Variants in PPP1R14C observed in about 807,000 individuals in gnomAD.
PPP1R14C encodes the protein protein phosphatase 1 regulatory subunit 14C.
A neutral mutation model predicts 20.4 loss-of-function variants in PPP1R14C; 16 were observed. The ratio of observed to expected loss-of-function variants is 0.78; its 90% CI spans 0.53 to 1.19. The LOEUF (loss-of-function observed/expected upper bound fraction) is 1.19. PPP1R14C is among the 50% of genes most tolerant of loss of function. The pLI, the probability that PPP1R14C is intolerant of heterozygous loss-of-function variation, is 0.00. For synonymous variants in PPP1R14C, 91 were observed against 91.0 expected (o/e 1.00, Z 0.00); for missense variants, 211 against 220.1 (o/e 0.96, Z 0.26).
intron 1 of PPP1R14C, among the ~76,000 whole-genome samples, chr6:150,210,646 T>C (rs1345175179): frequency 3.9e-5 from 6 of 152,260 alleles, no homozygotes; most frequent in African/African-American, 2.4e-5. Flanking sequence ...TCCTACACAA[T>C]ATTTTAAGAA....
chr6:150,244,644 G>A (rs9480050), intron 3 of PPP1R14C, among the ~76,000 whole-genome samples: 1,674 of 152,194 alleles, frequency 0.011, 29 homozygotes, highest in African/African-American at 0.039. Flanking sequence ...TGGCTAGCGT[G>A]ACTAACAAAT....
intron 3 of PPP1R14C, among the ~76,000 whole-genome samples, chr6:150,225,965 T>C (rs1481747049): frequency 6.6e-6 from 1 of 152,248 alleles, no homozygotes; most frequent in Non-Finnish European, 1.5e-5. Context: ...ATCTTCTAAT[T>C]TCCCAGAAGT....
chr6:150,162,481 C>T (rs1777380798), intron 1 of PPP1R14C, among the ~76,000 whole-genome samples: 1 of 152,186 alleles, frequency 6.6e-6, no homozygotes, highest in Admixed American at 6.5e-5. Flanking sequence ...TTTCACTACA[C>T]AATATACATT....
At chr6:150,168,756 T>C (rs1777465804) in intron 1 of PPP1R14C, among the ~76,000 whole-genome samples, 1 of 152,212 alleles carries the variant, frequency 6.6e-6, no homozygotes. Flanking sequence ...AGTCATGTTT[T>C]GAGTATTTAC....
chr6:150,187,245 CTCTG>C (rs1349317661), intron 1 of PPP1R14C, among the ~76,000 whole-genome samples: 13 of 110,974 alleles, frequency 1.2e-4, no homozygotes, highest in African/African-American at 3.8e-4. Context: ...CTTTCTCTTT[CTCTG>C]TGTGTGTGTG....
At chr6:150,156,399 C>G (rs1041713865) in intron 1 of PPP1R14C, among the ~76,000 whole-genome samples, 4 of 152,194 alleles carry the variant, frequency 2.6e-5, no homozygotes, top group African/African-American at 4.8e-5. Flanking sequence ...GATGTTTTCA[C>G]TCAAGTCCTT....
chr6:150,175,527 A>G (rs1276581311), intron 1 of PPP1R14C, among the ~76,000 whole-genome samples: 1 of 152,202 alleles, frequency 6.6e-6, no homozygotes, highest in Non-Finnish European at 1.5e-5. Context: ...CTAGTTAGTA[A>G]TTTCCTTTGT....
At chr6:150,196,084 C>A in intron 1 of PPP1R14C, 1 of 985,416 alleles carries the variant, frequency 1.0e-6, no homozygotes, top group Non-Finnish European at 1.2e-6. Context: ...AGACCTCTCA[C>A]CCCTTTCTAT....
At chr6:150,217,195 A>ATTTT (rs397886649) in intron 3 of PPP1R14C, among the ~76,000 whole-genome samples, 4 of 135,652 alleles carry the variant, frequency 2.9e-5, no homozygotes, top group Non-Finnish European at 4.8e-5. Context: ...ATTGGTATGT[A>ATTTT]TTTTTTTTTT....
chr6:150,211,974 G>A (rs181085977), intron 1 of PPP1R14C, among the ~76,000 whole-genome samples: 2 of 152,304 alleles, frequency 1.3e-5, no homozygotes, highest in Non-Finnish European at 2.9e-5. Context: ...GGCTTTGTTT[G>A]CATCAGCTTT....
At chr6:150,220,604 C>T (rs1778155228) in intron 3 of PPP1R14C, among the ~76,000 whole-genome samples, 1 of 152,212 alleles carries the variant, frequency 6.6e-6, no homozygotes, top group Admixed American at 6.5e-5. Context: ...GACACGCATT[C>T]ACTAATTTCA....
chr6:150,154,374 C>T lies in PPP1R14C; in HGVS notation c.306+10876C>T, dbSNP rs567931277. Among the ~76,000 whole-genome samples, 6 of 152,278 alleles carry T rather than the reference C, an allele frequency of 3.9e-5. No individual in the cohort carries two copies. The East Asian group carries it at 1.2e-3, about 29-fold the overall frequency. ...CCAGTGTGAGGTAGTGGGAATGGCCCTTGCCTGTGAGCTCCGTCCTAGTCG... is the reference window on the plus strand; with the variant it reads ...CCAGTGTGAGGTAGTGGGAATGGCCTTTGCCTGTGAGCTCCGTCCTAGTCG... On this transcript the variant is annotated intron_variant, in intron 1 of 3. Coordinates refer to ENST00000361131, the MANE Select transcript of PPP1R14C (RefSeq NM_030949.3).
chr6:150,217,318 C>T (rs1396692033), intron 3 of PPP1R14C, among the ~76,000 whole-genome samples: 2 of 151,848 alleles, frequency 1.3e-5, no homozygotes, highest in Non-Finnish European at 2.9e-5. Context: ...GCCTCAGCCT[C>T]CTGAGTAGCT....
At chr6:150,208,191 G>C (rs1198196491) in intron 1 of PPP1R14C, among the ~76,000 whole-genome samples, 2 of 152,102 alleles carry the variant, frequency 1.3e-5, no homozygotes, top group Non-Finnish European at 2.9e-5. Flanking sequence ...TTTCGGAGGG[G>C]TCAAACCACA....
intron 1 of PPP1R14C, among the ~76,000 whole-genome samples, chr6:150,204,498 A>G (rs1361279470): frequency 3.3e-5 from 5 of 152,178 alleles, no homozygotes; most frequent in African/African-American, 9.7e-5. Flanking sequence ...AGACATTTAC[A>G]TGGAATATTT....
intron 1 of PPP1R14C, among the ~76,000 whole-genome samples, chr6:150,206,806 A>G (rs1489342586): frequency 6.6e-6 from 1 of 151,800 alleles, no homozygotes; most frequent in Non-Finnish European, 1.5e-5. Flanking sequence ...TCACTTCACC[A>G]TGGAGTCAAT....
chr6:150,218,584 C>T (rs1431539149), intron 3 of PPP1R14C, among the ~76,000 whole-genome samples: 1 of 147,380 alleles, frequency 6.8e-6, no homozygotes, highest in African/African-American at 2.5e-5. Context: ...TATTGTATTT[C>T]TATATTTTCA....
intron 3 of PPP1R14C, among the ~76,000 whole-genome samples, chr6:150,233,636 C>T (rs1778318971): frequency 6.6e-6 from 1 of 152,166 alleles, no homozygotes; most frequent in African/African-American, 2.4e-5. Flanking sequence ...AGGAGCGCCC[C>T]CCTCCCATCA....
chr6:150,200,911 T>C (rs71570208), intron 1 of PPP1R14C, among the ~76,000 whole-genome samples: 4,032 of 152,228 alleles, frequency 0.026, 79 homozygotes, highest in Middle Eastern at 0.065. Flanking sequence ...CTTGAATGTG[T>C]TGGGTGCCTG....
Sources: allele counts gnomAD v4.1 joint callset (sites outside exome capture counted in the v4.1 genomes callset), GRCh38; gene constraint gnomAD v4.1.1; transcripts MANE v1.5; gene names NCBI Gene and HGNC (gene_info 2026-07-23, HGNC 2026-07-21).